The following CHURC1 variants were observed in gnomAD, a reference collection of about 807,000 sequenced individuals.
CHURC1 encodes the protein protein Churchill.
In CHURC1, 12 loss-of-function variants were observed where a neutral mutation model predicts 15.4. That is an observed-to-expected ratio of 0.78 (90% CI 0.50 to 1.27). The LOEUF (loss-of-function observed/expected upper bound fraction) is 1.27. Ranked by LOEUF, CHURC1 falls within the 50% of genes most tolerant of loss-of-function variation. The pLI, the probability that CHURC1 is intolerant of heterozygous loss-of-function variation, is 0.00. For missense variants in CHURC1, 132 were observed against 137.8 expected, an observed-to-expected ratio of 0.96 and a Z score of 0.21; for synonymous variants, 42 against 47.5, an observed-to-expected ratio of 0.88 and a Z score of 0.48.
chr14:64,914,746 C>G (rs117722345), intron 1 of CHURC1, among the ~76,000 whole-genome samples: 6,893 of 152,334 alleles, frequency 0.045, 230 homozygotes, highest in East Asian at 0.085. Flanking sequence ...TTGTAGTGGC[C>G]GTTCTCTTGA....
intron 2 of CHURC1, among the ~76,000 whole-genome samples, chr14:64,925,044 A>T (rs185112034): frequency 1.3e-5 from 2 of 152,168 alleles, no homozygotes; most frequent in African/African-American, 4.8e-5. Context: ...GCAGTAGGGC[A>T]TAGTGGTTTA....
At chr14:64,915,021 G>A (rs532902544) in intron 1 of CHURC1, among the ~76,000 whole-genome samples, 2 of 152,344 alleles carry the variant, frequency 1.3e-5, no homozygotes, top group East Asian at 3.9e-4. Context: ...CTAGAATTTA[G>A]GTTTCCTGCC....
In CHURC1 at chr14:64,934,123, A is replaced by G. The variant is rs1885217987; in HGVS notation, c.*1893A>G. The G allele has an allele frequency of 3.5e-6, 3 of 855,434 alleles. No individual in the cohort carries two copies. The African/African-American group carries it at 5.5e-5, about 16-fold the overall frequency. 53.0% of individuals were successfully genotyped at this position (855,434 alleles called of 1,614,324 possible). A position where few individuals can be genotyped will look rare whatever the true frequency, so the allele number is the denominator to read the frequency against. On this transcript the variant is annotated 3_prime_UTR_variant, in exon 4 of 4. Coordinates refer to ENST00000549115, the MANE Select transcript of CHURC1 (RefSeq NM_001386928.1). Reference sequence around the variant, plus strand: ...TTTGGGAGGCCAAAGCAGGCGGATCACCTGAGGTCAGGAGTTTGAGACCAG... The same window carrying G: ...TTTGGGAGGCCAAAGCAGGCGGATCGCCTGAGGTCAGGAGTTTGAGACCAG...
rs1287195029 is a variant in CHURC1 at position 64,933,076 on chromosome 14, C to G, written c.*846C>G. ...AGAATGGCACTTTACCTCTGTGGTC[C>G]TCCTCCCCAGAACTCAGAACCCAAG... On this transcript the variant is annotated 3_prime_UTR_variant, in exon 4 of 4. Transcript: ENST00000549115. The G allele has an allele frequency of 6.5e-6, 1 of 152,740 alleles. No homozygotes were observed. The highest frequency in any genetic ancestry group is 2.4e-5 in the African/African-American group (1 of 41,426). The allele number at this position is 152,740 out of a possible 1,614,324, so 9.5% of individuals were successfully genotyped here. A position where few individuals can be genotyped will look rare whatever the true frequency, so the allele number is the denominator to read the frequency against.
At position 64,915,364 on chromosome 14, in the gene CHURC1, G is replaced by A. The variant is rs1883805451; in HGVS notation, c.39+830G>A. Among the ~76,000 whole-genome samples the A allele has an allele frequency of 2.0e-5, 3 of 152,340 alleles. No homozygotes were observed. In the South Asian group the frequency reaches 6.2e-4, roughly 32 times the overall value. On this transcript the variant is annotated intron_variant, in intron 1 of 3. Coordinates refer to ENST00000549115, the MANE Select transcript of CHURC1 (RefSeq NM_001386928.1). ...TGCTGCCTAACAGCTTACAGTTTTG[G>A]GGAGTATGTGACTAACAAAAAATGA...
chr14:64,930,384 T>C (rs1359669708), intron 3 of CHURC1, among the ~76,000 whole-genome samples: 1 of 152,206 alleles, frequency 6.6e-6, no homozygotes, highest in Non-Finnish European at 1.5e-5. Context: ...TATATATGGT[T>C]AGATTCTATG....
intron 1 of CHURC1, 117 bp from the exon 2 acceptor site, chr14:64,923,874 G>A (rs1055948397): frequency 7.8e-6 from 7 of 899,270 alleles, no homozygotes; most frequent in Non-Finnish European, 9.9e-6. Context: ...TGACCTAGAA[G>A]TAAATGCTGG....
chr14:64,918,344 G>A (rs1283697802), intron 1 of CHURC1, among the ~76,000 whole-genome samples: 1 of 152,200 alleles, frequency 6.6e-6, no homozygotes, highest in Non-Finnish European at 1.5e-5. Flanking sequence ...TTTCAAAATG[G>A]AATGAGTAAC....
At chr14:64,921,158 C>G (rs1429458014) in intron 1 of CHURC1, among the ~76,000 whole-genome samples, 1 of 152,128 alleles carries the variant, frequency 6.6e-6, no homozygotes, top group Admixed American at 6.6e-5. Context: ...CCATACGCAA[C>G]TAAATAAACC....
intron 3 of CHURC1, among the ~76,000 whole-genome samples, chr14:64,928,180 G>A (rs1001863267): frequency 3.3e-5 from 5 of 151,902 alleles, no homozygotes; most frequent in African/African-American, 4.8e-5. Context: ...TCATGTTATC[G>A]TCTTTCTTTC....
chr14:64,922,514 C>G (rs528821344), intron 1 of CHURC1, among the ~76,000 whole-genome samples: 78 of 142,870 alleles, frequency 5.5e-4, no homozygotes, highest in African/African-American at 2.0e-3. Flanking sequence ...GGAGGTGGAG[C>G]TTGCAGTGAG....
chr14:64,923,043 T>G (rs1884429007), intron 1 of CHURC1, among the ~76,000 whole-genome samples: 1 of 152,200 alleles, frequency 6.6e-6, no homozygotes, highest in Non-Finnish European at 1.5e-5. Context: ...TTAATCACAT[T>G]ATTTAAAAAT....
chr14:64,931,459 A>G (rs1885071396), intron 3 of CHURC1, among the ~76,000 whole-genome samples: 1 of 152,086 alleles, frequency 6.6e-6, no homozygotes, highest in African/African-American at 2.4e-5. Flanking sequence ...ACTTGAGCAC[A>G]GGAGGTCAAG....
Position 64,934,347 on chromosome 14 carries a change from C to A in CHURC1, c.*2117C>A, listed in dbSNP as rs1885227763. ...TGGGAGACAGAGCAAGACTCCATCT[C>A]AAAAACAAAAACAAAACAAAACAAC... is the stretch of plus-strand genomic sequence containing the variant. On this transcript the variant is annotated 3_prime_UTR_variant, in exon 4 of 4. Coordinates refer to ENST00000549115, the MANE Select transcript of CHURC1 (RefSeq NM_001386928.1). 1 of 882,334 alleles carries A rather than the reference C, an allele frequency of 1.1e-6. No individual in the cohort carries two copies. The highest frequency in any genetic ancestry group is 1.4e-6 in the Non-Finnish European group (1 of 736,216). The allele number at this position is 882,334 out of a possible 1,614,324, so 54.7% of individuals were successfully genotyped here.
At chr14:64,914,602 TC>T in intron 1 of CHURC1, 68 bp downstream of exon 1, 1 of 1,605,802 alleles carries the variant, frequency 6.2e-7, no homozygotes, top group Non-Finnish European at 8.5e-7. Flanking sequence ...AGGCTGGCCT[TC>T]CCAGAGAGGC....
In CHURC1 at chr14:64,933,666, G is replaced by A. The variant is rs1885197185; in HGVS notation, c.*1436G>A. The A allele has an allele frequency of 1.0e-6, 1 of 985,414 alleles. No homozygotes were observed. The highest frequency in any genetic ancestry group is 1.7e-5 in the African/African-American group (1 of 57,352). 61.0% of individuals were successfully genotyped at this position (985,414 alleles called of 1,614,324 possible). A position where few individuals can be genotyped will look rare whatever the true frequency, so the allele number is the denominator to read the frequency against. On this transcript the variant is annotated 3_prime_UTR_variant, in exon 4 of 4. Coordinates refer to ENST00000549115, the MANE Select transcript of CHURC1 (RefSeq NM_001386928.1). The stretch of plus-strand genomic sequence containing the variant: ...AAACAATGAGGTGGCTTCAATTAGT[G>A]CTCATTCTGAGACCTAAATTTAAAG...
chr14:64,934,522 C>CT lies in CHURC1; in HGVS notation c.*2293dup, dbSNP rs1360469039. 3.0e-6 allele frequency: 3 copies of CT among 985,410 alleles called. No homozygotes were observed. In the East Asian group the frequency reaches 3.4e-4, roughly 112 times the overall value. The allele number at this position is 985,410 out of a possible 1,614,324, so 61.0% of individuals were successfully genotyped here. A position where few individuals can be genotyped will look rare whatever the true frequency, so the allele number is the denominator to read the frequency against. ...TATCAGTGACAGTACTCTGAGGCAT[C>CT]TGGGCATGTCAGATGAAGATTTATT... On this transcript the variant is annotated 3_prime_UTR_variant, in exon 4 of 4. Transcript: ENST00000549115.
At chr14:64,923,565 C>A (rs1418463941) in intron 1 of CHURC1, among the ~76,000 whole-genome samples, 1 of 152,046 alleles carries the variant, frequency 6.6e-6, no homozygotes, top group African/African-American at 2.4e-5. Flanking sequence ...TATGTAAGAT[C>A]ATCTTTATCA....
chr14:64,924,744 A>G (rs1325918682), intron 2 of CHURC1, among the ~76,000 whole-genome samples: 1 of 152,206 alleles, frequency 6.6e-6, no homozygotes, highest in South Asian at 2.1e-4. Context: ...AAAAAAATCA[A>G]TTCTGAGGTT....
Sources: allele counts gnomAD v4.1 joint callset (sites outside exome capture counted in the v4.1 genomes callset), GRCh38; gene constraint gnomAD v4.1.1; transcripts MANE v1.5; gene names NCBI Gene and HGNC (gene_info 2026-07-23, HGNC 2026-07-21).